GBE1: variants seen among roughly 807,000 people sequenced by gnomAD.
The protein encoded by GBE1 is 1,4-alpha-glucan branching enzyme 1.
A neutral mutation model predicts 88.8 loss-of-function variants in GBE1; 70 were observed. That is an observed-to-expected ratio of 0.79 (90% CI 0.65 to 0.96). The LOEUF is 0.96. GBE1 is among the 40% of genes least tolerant of loss of function. The probability of loss-of-function intolerance (pLI) is 0.00; values close to 1 mark genes in which losing one functional copy is unlikely to be tolerated. For synonymous variants in GBE1, 284 were observed against 300.1 expected, an observed-to-expected ratio of 0.95 and a Z score of 0.56; for missense variants, 872 against 871.0, an observed-to-expected ratio of 1.00 and a Z score of -0.01.
chr3:81,529,931 TCTCTCTCC>T (rs1702991610), intron 14 of GBE1, among the ~76,000 whole-genome samples: 1 of 152,026 alleles, frequency 6.6e-6, no homozygotes, highest in South Asian at 2.1e-4. Flanking sequence ...TCTCTCTCTC[TCTCTCTCC>T]ATCCTCTTTA....
At position 81,677,163 on chromosome 3, in the gene GBE1, A is replaced by G. The variant is rs1012929310; in HGVS notation, c.314-6210T>C. Among the ~76,000 whole-genome samples, 4 of 152,280 alleles carry G rather than the reference A, an allele frequency of 2.6e-5. No individual in the cohort carries two copies. In the East Asian group the frequency reaches 5.8e-4, roughly 22 times the overall value. On this transcript the variant is annotated intron_variant, in intron 2 of 15. Transcript: ENST00000429644. ...TATAAATTTTCCTTAAACATGGCTGAAAAGGTTCCAATTTAGTATGTAGGG... is the reference window on the plus strand; with the variant it reads ...TATAAATTTTCCTTAAACATGGCTGGAAAGGTTCCAATTTAGTATGTAGGG...
chr3:81,535,228 G>T lies in GBE1; in HGVS notation c.1901C>A (p.Thr634Asn). ...IFNFHPSKSYTDYRVGTALPG... is the reference protein window; with the variant it reads ...IFNFHPSKSYNDYRVGTALPG... ...CAATGCTGTTCCAACTCGGTAGTCA[G>T]TGTAGCTCTTGCTTGGATGGAAGTT... The change falls in exon 14 of 16, where the codon ACT becomes AAT. Residue 634 changes from threonine (T) to asparagine (N), a missense_variant. Physicochemically the swap from Thr to Asn is moderately conservative, Grantham distance 65. Transcript: ENST00000429644. The T allele has an allele frequency of 6.2e-7, 1 of 1,611,398 alleles. No homozygotes were observed. Among genetic ancestry groups the T allele is most frequent in the Non-Finnish European group, 8.5e-7 (1 of 1,178,546 alleles).
intron 7 of GBE1, among the ~76,000 whole-genome samples, chr3:81,608,498 A>T (rs1350226137): frequency 6.6e-6 from 1 of 152,180 alleles, no homozygotes; most frequent in Non-Finnish European, 1.5e-5. Context: ...AACCTCTTTC[A>T]ACCTTCACTA....
intron 12 of GBE1, among the ~76,000 whole-genome samples, chr3:81,542,502 T>C (rs1703155521): frequency 6.6e-6 from 1 of 152,130 alleles, no homozygotes; most frequent in Non-Finnish European, 1.5e-5. Context: ...CTGAAAATAA[T>C]TTTCAACACA....
In GBE1 at chr3:81,547,925, C is replaced by T. The variant is rs1223651214; in HGVS notation, c.1619-10830G>A. Among the ~76,000 whole-genome samples, 3 of 151,246 alleles carry T rather than the reference C, an allele frequency of 2.0e-5. 1 individual carries two copies. Among genetic ancestry groups the T allele is most frequent in the Non-Finnish European group, 4.4e-5 (3 of 67,544 alleles). On this transcript the variant is annotated intron_variant, in intron 12 of 15. Transcript: ENST00000429644. Reference sequence around the variant, plus strand: ...GTCGGTTACAAACTTCGCTGCAGGTCCCTGAAACAAAACTGGATGAAGTTC... The same window carrying T: ...GTCGGTTACAAACTTCGCTGCAGGTTCCTGAAACAAAACTGGATGAAGTTC...
At chr3:81,506,103 T>C (rs1343598329) in intron 14 of GBE1, among the ~76,000 whole-genome samples, 2 of 151,812 alleles carry the variant, frequency 1.3e-5, no homozygotes, top group Non-Finnish European at 2.9e-5. Context: ...AAAAAGAAAT[T>C]ATCAACAGGG....
intron 7 of GBE1, among the ~76,000 whole-genome samples, chr3:81,629,516 T>A (rs1704474750): frequency 6.6e-6 from 1 of 151,942 alleles, no homozygotes; most frequent in South Asian, 2.1e-4. Flanking sequence ...TATTGAAAAA[T>A]AAAATATTAT....
At chr3:81,728,054 G>A (rs114141627) in intron 1 of GBE1, among the ~76,000 whole-genome samples, 2,278 of 152,132 alleles carry the variant, frequency 0.015, 65 homozygotes, top group African/African-American at 0.052. Context: ...TTGCCTGGCA[G>A]TACCTATTTT....
At chr3:81,620,163 A>T (rs1704305201) in intron 7 of GBE1, among the ~76,000 whole-genome samples, 1 of 149,220 alleles carries the variant, frequency 6.7e-6, no homozygotes, top group South Asian at 2.1e-4. Flanking sequence ...GAGAAGGTCA[A>T]ATTATTTTTG....
intron 7 of GBE1, among the ~76,000 whole-genome samples, chr3:81,597,439 C>T (rs913061309): frequency 4.2e-5 from 6 of 144,234 alleles, no homozygotes; most frequent in South Asian, 2.2e-4. Flanking sequence ...ATATATATAT[C>T]TCAAAAATAT....
intron 7 of GBE1, among the ~76,000 whole-genome samples, chr3:81,614,826 A>T (rs1704227898): frequency 6.6e-6 from 1 of 152,002 alleles, no homozygotes; most frequent in South Asian, 2.1e-4. Context: ...ATGCCATTGC[A>T]CCCCAGCCTG....
chr3:81,722,188 C>A lies in GBE1; in HGVS notation c.144-16575G>T, dbSNP rs539828409. Among the ~76,000 whole-genome samples the A allele has an allele frequency of 7.9e-5, 12 of 152,208 alleles. No individual in the cohort carries two copies. The South Asian group carries it at 2.5e-3, about 32-fold the overall frequency. ...TATTTTCAAATTATTAAGCACTGCC[C>A]ATGCGTATCACAGATATTATGTATG... On this transcript the variant is annotated intron_variant, in intron 1 of 15. Coordinates refer to ENST00000429644, the MANE Select transcript of GBE1 (RefSeq NM_000158.4).
chr3:81,696,077 T>G (rs1052633514), intron 2 of GBE1, among the ~76,000 whole-genome samples: 3 of 152,146 alleles, frequency 2.0e-5, no homozygotes, highest in Non-Finnish European at 4.4e-5. Flanking sequence ...ACCTCTAATT[T>G]TTTTCCTTAA....
rs199808668 is a variant in GBE1, at chr3:81,569,237, T to TA, written c.1618+8687dup. 2.4e-3 allele frequency among the ~76,000 whole-genome samples: 369 copies of TA among 152,280 alleles called. 1 individual carries two copies. The highest frequency in any genetic ancestry group is 8.4e-3 in the African/African-American group (351 of 41,562). ...TAATAAGGGTAAACAATAGGGGAAT[T>TA]AAAAAAACTAATTTAAATGTAGGAC... On this transcript the variant is annotated intron_variant, in intron 12 of 15. Transcript: ENST00000429644.
intron 5 of GBE1, 135 bp from the exon 6 acceptor site, chr3:81,646,617 T>C: frequency 3.4e-6 from 2 of 588,276 alleles, no homozygotes; most frequent in South Asian, 4.9e-5. Context: ...TGAAAAGTTC[T>C]ACTACTTTAA....
At chr3:81,718,541 G>C (rs1198608029) in intron 1 of GBE1, among the ~76,000 whole-genome samples, 1 of 152,156 alleles carries the variant, frequency 6.6e-6, no homozygotes, top group Non-Finnish European at 1.5e-5. Flanking sequence ...GCTAGTCTGT[G>C]TGTGAAGCTG....
At chr3:81,665,232 T>C (rs983894885) in intron 3 of GBE1, among the ~76,000 whole-genome samples, 32 of 152,112 alleles carry the variant, frequency 2.1e-4, no homozygotes, top group African/African-American at 7.5e-4. Flanking sequence ...ACTAGATTGA[T>C]GTTAGACATG....
intron 2 of GBE1, among the ~76,000 whole-genome samples, chr3:81,702,184 C>G (rs541578808): frequency 7.5e-4 from 106 of 141,998 alleles, no homozygotes; most frequent in Admixed American, 1.5e-3. Context: ...GTTCAGTTAT[C>G]TAAGAGTATA....
intron 8 of GBE1, among the ~76,000 whole-genome samples, chr3:81,592,833 T>C (rs1293082023): frequency 6.6e-6 from 1 of 152,084 alleles, no homozygotes; most frequent in African/African-American, 2.4e-5. Flanking sequence ...TAAGTCAGCT[T>C]CCCCGAAACT....
Sources: allele counts gnomAD v4.1 joint callset (sites outside exome capture counted in the v4.1 genomes callset), GRCh38; gene constraint gnomAD v4.1.1; transcripts MANE v1.5; gene names NCBI Gene and HGNC (gene_info 2026-07-23, HGNC 2026-07-21).